CCM2: variants seen among roughly 807,000 people sequenced by gnomAD.
The protein encoded by CCM2 is cerebral cavernous malformations 2 protein.
CCM2 carries 25 observed loss-of-function variants against 44.9 expected under a neutral mutation model. That is an observed-to-expected ratio of 0.56 (90% CI 0.41 to 0.78). The LOEUF is 0.78. Ranked by LOEUF, CCM2 falls within the 30% of genes least tolerant of loss-of-function variation. CCM2 has a pLI of 0.00. For missense variants in CCM2, 481 were observed against 580.6 expected (o/e 0.83, Z 1.76); for synonymous variants, 219 against 241.1 (o/e 0.91, Z 0.85).
Position 45,038,267 on chromosome 7 carries a change from G to T in CCM2, c.45G>T (p.Ser15=), listed in dbSNP as rs1193853190. The T allele has an allele frequency of 1.9e-6, 3 of 1,613,968 alleles. No homozygotes were observed. Among genetic ancestry groups the T allele is most frequent in the East Asian group, 2.2e-5 (1 of 44,884 alleles). The change falls in exon 2 of 10, where the codon TCG becomes TCT. Residue 15 remains serine, a synonymous_variant. Coordinates refer to ENST00000258781, the MANE Select transcript of CCM2 (RefSeq NM_031443.4). ...GKKGKKPGIV[S]PFKRVFLKGE... ...TCTGCCTGCAGCCTGGAATTGTCTC[G>T]CCATTTAAACGAGTATTCCTAAAAG...
intron 1 of CCM2, among the ~76,000 whole-genome samples, chr7:45,037,169 C>T (rs190903075): frequency 3.3e-5 from 5 of 151,676 alleles, no homozygotes; most frequent in African/African-American, 7.3e-5. Flanking sequence ...CCCCACCCCC[C>T]GCCGCCATTG....
intron 1 of CCM2, among the ~76,000 whole-genome samples, chr7:45,018,003 C>T (rs145680067): frequency 7.2e-4 from 110 of 152,194 alleles, no homozygotes; most frequent in African/African-American, 2.3e-3. Context: ...CACCAGGGAC[C>T]GGTTTCGTGG....
rs144236756 is a variant in CCM2, at chr7:45,057,412, C to T, written c.205-6506C>T. On this transcript the variant is annotated intron_variant, in intron 2 of 9. Coordinates refer to ENST00000258781, the MANE Select transcript of CCM2 (RefSeq NM_031443.4). ...TACTGACCTCGTGATCCACCCGCCT[C>T]GGCCTCCCAAAGTGCTAGGATTACA... Among the ~76,000 whole-genome samples the T allele has an allele frequency of 2.5e-3, 384 of 152,270 alleles. 3 individuals are homozygous for T. The highest frequency in any genetic ancestry group is 8.2e-3 in the African/African-American group (340 of 41,562).
intron 1 of CCM2, 93 bp downstream of exon 1, chr7:45,000,456 G>GGGC (rs1795551939): frequency 5.7e-6 from 2 of 349,286 alleles, no homozygotes; most frequent in African/African-American, 2.7e-5. Context: ...TTGGGGCCCG[G>GGGC]GGGGGGGGGC....
Position 45,038,387 on chromosome 7 carries a change from A to G in CCM2, c.165A>G (p.Pro55=). The change falls in exon 2 of 10, where the codon CCA becomes CCG. Residue 55 remains proline (P), a synonymous_variant. Transcript: ENST00000258781. ...VVLSLPERVE[P]DRLLSDYIEK... is the part of the protein sequence containing the mutation. ...TGTCATTGCCTGAGCGCGTCGAGCCAGACAGACTGCTGAGCGACTATATTG... is the reference window on the plus strand; with the variant it reads ...TGTCATTGCCTGAGCGCGTCGAGCCGGACAGACTGCTGAGCGACTATATTG... 1 of 1,614,192 alleles carries G rather than the reference A, an allele frequency of 6.2e-7. No individual in the cohort carries two copies. The highest frequency in any genetic ancestry group is 1.6e-4 in the Middle Eastern group (1 of 6,062).
chr7:45,048,661 G>A (rs1797866542), intron 2 of CCM2, among the ~76,000 whole-genome samples: 1 of 152,096 alleles, frequency 6.6e-6, no homozygotes, highest in Non-Finnish European at 1.5e-5. Flanking sequence ...TGCTTGGGAG[G>A]CTGAGGCAGG....
intron 2 of CCM2, among the ~76,000 whole-genome samples, chr7:45,042,187 C>G (rs1477018722): frequency 7.1e-6 from 1 of 141,526 alleles, no homozygotes; most frequent in Non-Finnish European, 1.5e-5. Context: ...TATTGCTTGA[C>G]TCCGGAAGAT....
chr7:45,039,910 C>CGG (rs1797401389), intron 2 of CCM2, among the ~76,000 whole-genome samples: 1 of 151,862 alleles, frequency 6.6e-6, no homozygotes, highest in Non-Finnish European at 1.5e-5. Flanking sequence ...GCCTGTAATC[C>CGG]CAGCTACTTG....
intron 2 of CCM2, among the ~76,000 whole-genome samples, chr7:45,056,362 A>G (rs1222038070): frequency 6.6e-6 from 1 of 152,174 alleles, no homozygotes; most frequent in African/African-American, 2.4e-5. Context: ...CCTTTTTTAA[A>G]TAGCCATCTA....
At chr7:45,054,276 C>T (rs927088005) in intron 2 of CCM2, among the ~76,000 whole-genome samples, 1 of 151,964 alleles carries the variant, frequency 6.6e-6, no homozygotes, top group Non-Finnish European at 1.5e-5. Flanking sequence ...GGGCTTCTGT[C>T]GTACAACAAA....
At chr7:45,036,736 T>C (rs1354855500) in intron 1 of CCM2, among the ~76,000 whole-genome samples, 1 of 152,230 alleles carries the variant, frequency 6.6e-6, no homozygotes, top group Non-Finnish European at 1.5e-5. Context: ...ATTTTGCATA[T>C]GGGTGAATTT....
chr7:45,071,662 G>A, intron 6 of CCM2: 1 of 413,476 alleles, frequency 2.4e-6, no homozygotes, highest in Admixed American at 2.8e-5. Flanking sequence ...CCTTCTGGAG[G>A]CTCCAGAGAA....
chr7:45,048,825 T>C (rs1425056455), intron 2 of CCM2, among the ~76,000 whole-genome samples: 3 of 152,184 alleles, frequency 2.0e-5, no homozygotes. Context: ...TAGGATTTGG[T>C]GCAGTGCAAG....
At chr7:45,071,936 T>G (rs1317348332) in intron 6 of CCM2, 2 of 450,322 alleles carry the variant, frequency 4.4e-6, no homozygotes, top group African/African-American at 2.0e-5. Flanking sequence ...ATTCCAGGGA[T>G]TAGGATGTGG....
intron 2 of CCM2, among the ~76,000 whole-genome samples, chr7:45,049,314 TGATA>T (rs1797895493): frequency 6.6e-6 from 1 of 152,236 alleles, no homozygotes; most frequent in African/African-American, 2.4e-5. Context: ...AAAATTCAAA[TGATA>T]ACAGAGATTC....
intron 1 of CCM2, among the ~76,000 whole-genome samples, chr7:45,013,294 A>G (rs1796136462): frequency 6.6e-6 from 1 of 152,100 alleles, no homozygotes; most frequent in Non-Finnish European, 1.5e-5. Flanking sequence ...TATACGTGTT[A>G]TAAATCTTAC....
At chr7:45,021,760 G>A (rs944982908) in intron 1 of CCM2, among the ~76,000 whole-genome samples, 1 of 151,698 alleles carries the variant, frequency 6.6e-6, no homozygotes, top group African/African-American at 2.4e-5. Context: ...GGGGAGGAGA[G>A]GGGAAGGGAT....
chr7:45,000,271 C>T lies in CCM2; in HGVS notation c.-63C>T, dbSNP rs1725122834. On this transcript the variant is annotated 5_prime_UTR_variant, in exon 1 of 10. Transcript: ENST00000258781. The stretch of plus-strand genomic sequence containing the variant: ...CGGCGGGCCCGGGTCGAGCATGTAG[C>T]GGCTGCTGGCGGCGGGGCTCCCGGG... 3 of 1,071,152 alleles carry T rather than the reference C, an allele frequency of 2.8e-6. No homozygotes were observed. The highest frequency in any genetic ancestry group is 3.9e-5 in the African/African-American group (2 of 51,902). 66.4% of individuals were successfully genotyped at this position (1,071,152 alleles called of 1,614,324 possible).
At chr7:45,053,309 C>G (rs1238031531) in intron 2 of CCM2, among the ~76,000 whole-genome samples, 1 of 152,218 alleles carries the variant, frequency 6.6e-6, no homozygotes, top group Non-Finnish European at 1.5e-5. Context: ...CAGGCTTGGT[C>G]TCTCCTTCAG....
Sources: allele counts gnomAD v4.1 joint callset (sites outside exome capture counted in the v4.1 genomes callset), GRCh38; gene constraint gnomAD v4.1.1; transcripts MANE v1.5; gene names NCBI Gene and HGNC (gene_info 2026-07-23, HGNC 2026-07-21).